SERF2: variants seen among roughly 807,000 people sequenced by gnomAD.
SERF2 encodes small EDRK-rich factor 2, also known as gastric cancer-related protein VRG107.
In SERF2, 4 loss-of-function variants were observed where a neutral mutation model predicts 10.7. That is an observed-to-expected ratio of 0.37 (90% CI 0.18 to 0.86). The LOEUF is 0.86. SERF2 is among the 40% of genes least tolerant of loss of function. SERF2 has a pLI of 0.43. For missense variants in SERF2, 47 were observed against 79.1 expected, an observed-to-expected ratio of 0.59 and a Z score of 1.54; for synonymous variants, 26 against 26.0, an observed-to-expected ratio of 1.00 and a Z score of 0.01.
intron 2 of SERF2, chr15:43,793,400 T>C: frequency 1.6e-6 from 1 of 638,970 alleles, no homozygotes; most frequent in South Asian, 2.2e-5. Flanking sequence ...TGGCCCTCCT[T>C]GCTGTTCGGT....
At chr15:43,778,714 A>G (rs763579771) in intron 1 of SERF2, among the ~76,000 whole-genome samples, 20 of 151,524 alleles carry the variant, frequency 1.3e-4, no homozygotes, top group Admixed American at 1.3e-4. Flanking sequence ...ACCCAGGGCA[A>G]CATGGTGAAA....
At chr15:43,788,802 CAGTAGG>C (rs1328546626), upstream of SERF2, among the ~76,000 whole-genome samples, 4 of 152,094 alleles carry the variant, frequency 2.6e-5, no homozygotes, top group Non-Finnish European at 5.9e-5. Context: ...GTTTCTAAAT[CAGTAGG>C]AGGGGGATAA....
At chr15:43,790,098 C>T (rs1347346659), upstream of SERF2, among the ~76,000 whole-genome samples, 1 of 146,542 alleles carries the variant, frequency 6.8e-6, no homozygotes, top group African/African-American at 2.6e-5. Context: ...GCCGAAATCG[C>T]ACCACTGTAC....
At chr15:43,784,183 A>G (rs919736811) in intron 1 of SERF2, among the ~76,000 whole-genome samples, 4 of 151,950 alleles carry the variant, frequency 2.6e-5, no homozygotes, top group Non-Finnish European at 4.4e-5. Context: ...TGGCCTCTCA[A>G]AGTGTTAGGA....
chr15:43,793,808 G>A lies in SERF2; in HGVS notation c.*35G>A, dbSNP rs1319195306. 17 of 1,614,118 alleles carry A rather than the reference G, an allele frequency of 1.1e-5. No homozygotes were observed. The highest frequency in any genetic ancestry group is 1.7e-5 in the Admixed American group (1 of 60,020). Reference sequence around the variant, plus strand: ...TTCGTGTCCAACCCTCTTGCCCTTCGCCTGTGTGCCTGGAGCCAGTCCCAC... The same window carrying A: ...TTCGTGTCCAACCCTCTTGCCCTTCACCTGTGTGCCTGGAGCCAGTCCCAC... On this transcript the variant is annotated 3_prime_UTR_variant, in exon 3 of 3. Transcript: ENST00000249786.
In SERF2 at chr15:43,793,843, G is replaced by GT; in HGVS notation, c.*73dup. 1 of 1,613,600 alleles carries GT rather than the reference G, an allele frequency of 6.2e-7. No homozygotes were observed. The highest frequency in any genetic ancestry group is 1.3e-5 in the African/African-American group (1 of 74,922). On this transcript the variant is annotated 3_prime_UTR_variant, in exon 3 of 3. Coordinates refer to ENST00000249786, the MANE Select transcript of SERF2 (RefSeq NM_001018108.4). ...CTGGAGCCAGTCCCACCACGCTCGC[G>GT]TTTCCTCCTGTAGTGCTCACAGGTC...
At chr15:43,782,876 C>T (rs1355707948) in intron 1 of SERF2, among the ~76,000 whole-genome samples, 1 of 151,598 alleles carries the variant, frequency 6.6e-6, no homozygotes, top group East Asian at 1.9e-4. Context: ...ATGGAGTCTT[C>T]GCTCTGTCAC....
chr15:43,793,811 T>C lies in SERF2; in HGVS notation c.*38T>C, dbSNP rs575152814. 184 of 1,614,202 alleles carry C rather than the reference T, an allele frequency of 1.1e-4. 1 individual carries two copies. In the African/African-American group the frequency reaches 2.0e-3, roughly 18 times the overall value. On this transcript the variant is annotated 3_prime_UTR_variant, in exon 3 of 3. Coordinates refer to ENST00000249786, the MANE Select transcript of SERF2 (RefSeq NM_001018108.4). The stretch of plus-strand genomic sequence containing the variant: ...GTGTCCAACCCTCTTGCCCTTCGCC[T>C]GTGTGCCTGGAGCCAGTCCCACCAC...
rs190452080 is a variant in SERF2, at chr15:43,786,054, T to C, written c.-402+520T>C. 4.6e-5 allele frequency among the ~76,000 whole-genome samples: 7 copies of C among 151,978 alleles called. No individual in the cohort carries two copies. In the East Asian group the frequency reaches 1.4e-3, roughly 30 times the overall value. On this transcript the variant is annotated intron_variant, in intron 2 of 4. Transcript: ENST00000381359. ...GTTTTTTTGGGGTCTATTTTTATGTTAGGACTGTTTTCTCCAACGCTTGGT... is the reference window on the plus strand; with the variant it reads ...GTTTTTTTGGGGTCTATTTTTATGTCAGGACTGTTTTCTCCAACGCTTGGT...
At chr15:43,790,409 T>G (rs1255856028), upstream of SERF2, among the ~76,000 whole-genome samples, 1 of 151,840 alleles carries the variant, frequency 6.6e-6, no homozygotes, top group East Asian at 1.9e-4. Context: ...AGAGAAAGTG[T>G]GAGAGAGCTT....
Position 43,792,393 on chromosome 15 carries a change from G to C in SERF2, c.7+10G>C. ...GCCGTCGCCATGACCCGTGAGCACC[G>C]AGCCCCCTTCTCCTTGCCCTTTTCT... On this transcript the variant is annotated intron_variant, in intron 1 of 2. Coordinates refer to ENST00000249786, the MANE Select transcript of SERF2 (RefSeq NM_001018108.4). 6.2e-7 allele frequency: 1 copy of C among 1,613,864 alleles called. No homozygotes were observed. The highest frequency in any genetic ancestry group is 8.5e-7 in the Non-Finnish European group (1 of 1,179,790).
In SERF2 at chr15:43,781,981, C is replaced by T. The variant is rs552355019; in HGVS notation, c.-526-3429C>T. Among the ~76,000 whole-genome samples, 10 of 151,786 alleles carry T rather than the reference C, an allele frequency of 6.6e-5. No individual in the cohort carries two copies. The South Asian group carries it at 8.3e-4, about 13-fold the overall frequency. The stretch of plus-strand genomic sequence containing the variant: ...TCAGCTCACTGCAACCTCTGCCTCC[C>T]GGGTTCAAGCAATTCTGGTGCCTCA... On this transcript the variant is annotated intron_variant, in intron 1 of 4. Coordinates refer to the SERF2 transcript ENST00000381359.
upstream of SERF2, among the ~76,000 whole-genome samples, chr15:43,787,622 C>A (rs1045799345): frequency 6.6e-6 from 1 of 151,586 alleles, no homozygotes; most frequent in Admixed American, 6.6e-5. Flanking sequence ...GGTCTTGAAC[C>A]CCTGACCTCA....
chr15:43,786,475 C>T (rs560891808), intron 2 of SERF2, among the ~76,000 whole-genome samples: 1 of 151,148 alleles, frequency 6.6e-6, no homozygotes, highest in Non-Finnish European at 1.5e-5. Context: ...GCTGCCTACA[C>T]TTTAAGATAA....
chr15:43,792,028 T>C, upstream of SERF2: 1 of 468,426 alleles, frequency 2.1e-6, no homozygotes, highest in Admixed American at 3.3e-5. Flanking sequence ...CTCTGCACGG[T>C]CACGTGCTCG....
At chr15:43,793,462 A>G (rs1347107716) in intron 2 of SERF2, 5 of 1,105,544 alleles carry the variant, frequency 4.5e-6, no homozygotes, top group Middle Eastern at 2.1e-4. Context: ...GTGGTCCTCA[A>G]TACAGAATAG....
chr15:43,792,865 C>T (rs937990021), intron 1 of SERF2, 110 bp from the exon 2 acceptor site: 6 of 812,832 alleles, frequency 7.4e-6, no homozygotes, highest in African/African-American at 5.1e-5. Context: ...TGTCGGGGCC[C>T]GGAGATTGAA....
At chr15:43,793,540 T>C (rs1489008232) in intron 2 of SERF2, 170 bp from the exon 3 acceptor site, 1 of 1,483,938 alleles carries the variant, frequency 6.7e-7, no homozygotes, top group African/African-American at 1.4e-5. Context: ...ACTGGTCGCC[T>C]TTTGAGCCTC....
chr15:43,787,976 G>T (rs973934544), upstream of SERF2, among the ~76,000 whole-genome samples: 2 of 150,114 alleles, frequency 1.3e-5, no homozygotes, highest in African/African-American at 4.9e-5. Context: ...CCAGGTGCAA[G>T]CAATTCTCTA....
Sources: gnomAD v4.1 joint callset for allele counts (sites outside exome capture counted in the v4.1 genomes callset) on GRCh38, gnomAD v4.1.1 for gene constraint, MANE v1.5 for transcripts, NCBI Gene and HGNC (gene_info 2026-07-23, HGNC 2026-07-21) for gene names.